NFIX: variants seen among roughly 807,000 people sequenced by gnomAD.
NFIX encodes the protein nuclear factor 1 X-type.
In NFIX, 2 loss-of-function variants were observed where a neutral mutation model predicts 53.3. The ratio of observed to expected loss-of-function variants is 0.04; its 90% confidence interval spans 0.02 to 0.12. The LOEUF (loss-of-function observed/expected upper bound fraction) is 0.12. NFIX is among the 10% of genes least tolerant of loss of function. The pLI, the probability that NFIX is intolerant of heterozygous loss-of-function variation, is 1.00. For synonymous variants in NFIX, 244 were observed against 289.0 expected (o/e 0.84, Z 1.58); for missense variants, 310 against 674.5 (o/e 0.46, Z 5.99).
chr19:13,088,312 G>T lies in NFIX; in HGVS notation c.1402+176G>T, dbSNP rs1406896806. Among the ~76,000 whole-genome samples, 1 of 151,740 alleles carries T rather than the reference G, an allele frequency of 6.6e-6. No individual in the cohort carries two copies. The highest frequency in any genetic ancestry group is 2.4e-5 in the African/African-American group (1 of 41,302). On this transcript the variant is annotated intron_variant, in intron 9 of 10. Transcript: ENST00000592199. The surrounding 1 kb of genome is among the most constrained non-coding windows in gnomAD (Gnocchi z 5.9). Reference sequence around the variant, plus strand: ...ACCACAGCCTCCCTCCCGGGCCTCAGTCGCACCAGCCAGCACCCCACGAGC... The same window carrying T: ...ACCACAGCCTCCCTCCCGGGCCTCATTCGCACCAGCCAGCACCCCACGAGC...
rs551639683 is a variant in NFIX, at chr19:13,050,592, T to A, written c.560-22455T>A. 1.1e-4 allele frequency among the ~76,000 whole-genome samples: 17 copies of A among 152,246 alleles called. 1 individual carries two copies. The South Asian group carries it at 3.3e-3, about 30-fold the overall frequency. On this transcript the variant is annotated intron_variant, in intron 2 of 10. Coordinates refer to ENST00000592199, the MANE Select transcript of NFIX (RefSeq NM_001365902.3). ...AAGGCACTGCATGTGCTTTTCCAAGTGTGCATGTCACAGATCTGTGTGTGA... is the reference window on the plus strand; with the variant it reads ...AAGGCACTGCATGTGCTTTTCCAAGAGTGCATGTCACAGATCTGTGTGTGA...
At chr19:13,026,348 G>A (rs974822393) in intron 2 of NFIX, among the ~76,000 whole-genome samples, 10 of 151,518 alleles carry the variant, frequency 6.6e-5, no homozygotes, top group Admixed American at 4.6e-4. Flanking sequence ...GCGTTGCTGT[G>A]GAAGAGGTCT....
Position 13,012,633 on chromosome 19 carries a change from C to G in NFIX, c.28-12388C>G, listed in dbSNP as rs2012424126. On this transcript the variant is annotated intron_variant, in intron 1 of 10. Transcript: ENST00000592199. The surrounding 1 kb of genome is among the most constrained non-coding windows in gnomAD (Gnocchi z 5.0). Reference sequence around the variant, plus strand: ...CAGGGCCGCCTGTGCCTCAGTTTCTCTCCTCCTGCGCCCATCCTGACATCC... The same window carrying G: ...CAGGGCCGCCTGTGCCTCAGTTTCTGTCCTCCTGCGCCCATCCTGACATCC... Among the ~76,000 whole-genome samples the G allele has an allele frequency of 6.6e-6, 1 of 152,258 alleles. No individual in the cohort carries two copies. Among genetic ancestry groups the G allele is most frequent in the African/African-American group, 2.4e-5 (1 of 41,462 alleles).
rs1437744552 is a variant in NFIX, at chr19:13,093,396, T to A, written c.1495-1239T>A. Among the ~76,000 whole-genome samples the A allele has an allele frequency of 6.6e-6, 1 of 152,268 alleles. No homozygotes were observed. Among genetic ancestry groups the A allele is most frequent in the East Asian group, 1.9e-4 (1 of 5,202 alleles). On this transcript the variant is annotated intron_variant, in intron 10 of 10. Transcript: ENST00000592199. The surrounding 1 kb of genome is among the most constrained non-coding windows in gnomAD (Gnocchi z 4.7). ...ACGAAATTCTGTTTGGGCTTCTGGC[T>A]TCTTTTGAAAAGTTGGCAGATGAGC...
In NFIX at chr19:13,094,656, C is replaced by G; in HGVS notation, c.*7C>G. ...TCAGTCCTGGTTCCTCTGATAAGATCGACAAAAGAAACAACAAAATGAGAA... is the reference window on the plus strand; with the variant it reads ...TCAGTCCTGGTTCCTCTGATAAGATGGACAAAAGAAACAACAAAATGAGAA... On this transcript the variant is annotated 3_prime_UTR_variant, in exon 11 of 11. Coordinates refer to ENST00000592199, the MANE Select transcript of NFIX (RefSeq NM_001365902.3). This position sits in a 1 kb window ranked among gnomAD's most constrained non-coding sequence, Gnocchi z 4.3. The G allele has an allele frequency of 6.5e-7, 1 of 1,535,586 alleles. No individual in the cohort carries two copies. The highest frequency in any genetic ancestry group is 1.4e-5 in the African/African-American group (1 of 72,946).
At chr19:13,003,803 T>A (rs1275420159) in intron 1 of NFIX, among the ~76,000 whole-genome samples, 1 of 152,180 alleles carries the variant, frequency 6.6e-6, no homozygotes, top group Non-Finnish European at 1.5e-5. Context: ...CACACCTGGC[T>A]AATTTTTAAA....
chr19:13,048,974 GGCT>G (rs1447476157), intron 2 of NFIX, among the ~76,000 whole-genome samples: 4 of 152,186 alleles, frequency 2.6e-5, no homozygotes, highest in Non-Finnish European at 5.9e-5. Flanking sequence ...CTACTCGGGA[GGCT>G]GAGGCAGGAG....
rs2017481270 is a variant in NFIX, at chr19:13,081,738, G to A, written c.1137G>A (p.Gln379=). 1 of 1,613,782 alleles carries A rather than the reference G, an allele frequency of 6.2e-7. No homozygotes were observed. The highest frequency in any genetic ancestry group is 1.7e-5 in the Admixed American group (1 of 59,988). ...TCCCCTCCACGTCCATCATCCAGCAGTCGAGCCCGTATTTCACGCACCCGA... is the reference window on the plus strand; with the variant it reads ...TCCCCTCCACGTCCATCATCCAGCAATCGAGCCCGTATTTCACGCACCCGA... ...LHFPSTSIIQ[Q]SSPYFTHPTI... is the part of the protein sequence containing the mutation. Residue 379 remains glutamine (Q), a synonymous_variant, in exon 8 of 11, where the codon CAG becomes CAA. Transcript: ENST00000592199. This position sits in a 1 kb window ranked among gnomAD's most constrained non-coding sequence, Gnocchi z 4.7.
rs550322604 is a variant in NFIX at position 12,998,727 on chromosome 19, A to G, written c.27+2863A>G. On this transcript the variant is annotated intron_variant, in intron 1 of 10. Transcript: ENST00000592199. This position sits in a 1 kb window ranked among gnomAD's most constrained non-coding sequence, Gnocchi z 4.4. ...CACACCGATGTCCAGACCCACGACCATCGACGAGCCTACAGACCTACGGAC... is the reference window on the plus strand; with the variant it reads ...CACACCGATGTCCAGACCCACGACCGTCGACGAGCCTACAGACCTACGGAC... Among the ~76,000 whole-genome samples the G allele has an allele frequency of 2.0e-5, 3 of 152,314 alleles. No homozygotes were observed. Among genetic ancestry groups the G allele is most frequent in the East Asian group, 3.9e-4 (2 of 5,188 alleles).
chr19:13,050,274 T>C (rs1284778932), intron 2 of NFIX, among the ~76,000 whole-genome samples: 1 of 152,248 alleles, frequency 6.6e-6, no homozygotes, highest in African/African-American at 2.4e-5. Flanking sequence ...TGCTGTGCTA[T>C]TCCTGCCTTT....
intron 1 of NFIX, among the ~76,000 whole-genome samples, chr19:13,019,731 GTTT>G (rs60597655): frequency 0.032 from 4,167 of 129,942 alleles, 76 homozygotes; most frequent in Middle Eastern, 0.094. Context: ...TTGTTTGTTT[GTTT>G]TTTTTTTTTT....
chr19:13,089,596 AC>A lies in NFIX; in HGVS notation c.1403-698del, dbSNP rs1047632227. 5.9e-5 allele frequency among the ~76,000 whole-genome samples: 9 copies of A among 152,074 alleles called. No individual in the cohort carries two copies. Among genetic ancestry groups the A allele is most frequent in the Non-Finnish European group, 1.3e-4 (9 of 67,940 alleles). On this transcript the variant is annotated intron_variant, in intron 9 of 10. Coordinates refer to ENST00000592199, the MANE Select transcript of NFIX (RefSeq NM_001365902.3). The surrounding 1 kb of genome is among the most constrained non-coding windows in gnomAD (Gnocchi z 4.8). ...GAATGCCATAGGCCTGAGCCTTGCC[AC>A]CCCCTGGGCCCAAGCCAGGCAGCCA... is the stretch of plus-strand genomic sequence containing the variant.
chr19:12,997,142 C>T lies in NFIX; in HGVS notation c.27+1278C>T, dbSNP rs139745639. On this transcript the variant is annotated intron_variant, in intron 1 of 10. Transcript: ENST00000592199. ...CAAGTGTGTCCACAGCTTACAGTGG[C>T]AGTCCACATGGGTATGGCTCCTACT... Among the ~76,000 whole-genome samples the T allele has an allele frequency of 2.2e-3, 332 of 152,374 alleles. 3 individuals carry two copies. The highest frequency in any genetic ancestry group is 7.6e-3 in the African/African-American group (314 of 41,580).
intron 8 of NFIX, among the ~76,000 whole-genome samples, chr19:13,087,063 G>T (rs1427172605): frequency 6.6e-6 from 1 of 152,226 alleles, no homozygotes; most frequent in Non-Finnish European, 1.5e-5. Context: ...TGGTCATCAG[G>T]GTCCTGTTCA....
rs114724987 is a variant in NFIX, at chr19:13,083,636, A to G, written c.1254+1781A>G. ...TTGCTCCAAGCAGACCATGGACAAA[A>G]CACCGCAAACAGGCACCTTGATTAA... On this transcript the variant is annotated intron_variant, in intron 8 of 10. Coordinates refer to ENST00000592199, the MANE Select transcript of NFIX (RefSeq NM_001365902.3). Among the ~76,000 whole-genome samples the G allele has an allele frequency of 2.7e-3, 406 of 152,318 alleles. 6 individuals are homozygous for G. The highest frequency in any genetic ancestry group is 9.5e-3 in the African/African-American group (395 of 41,572).
intron 1 of NFIX, 103 bp from the exon 2 acceptor site, chr19:13,024,918 C>A (rs539761363): frequency 1.4e-6 from 2 of 1,464,976 alleles, no homozygotes; most frequent in Non-Finnish European, 1.8e-6. Flanking sequence ...CCTTGTGCCC[C>A]CCCTTCTAAC....
Position 13,001,478 on chromosome 19 carries a change from G to A in NFIX, c.27+5614G>A, listed in dbSNP as rs1035432554. Among the ~76,000 whole-genome samples the A allele has an allele frequency of 6.6e-6, 1 of 152,104 alleles. No individual in the cohort carries two copies. The highest frequency in any genetic ancestry group is 1.5e-5 in the Non-Finnish European group (1 of 68,020). ...ACGGTGGCGCTGCGCACGTCAACGG[G>A]TATTGGTGTACCGGTCACCATCTTT... On this transcript the variant is annotated intron_variant, in intron 1 of 10. Transcript: ENST00000592199. This position sits in a 1 kb window ranked among gnomAD's most constrained non-coding sequence, Gnocchi z 6.5.
rs1428619020 is a variant in NFIX, at chr19:13,051,057, A to G, written c.560-21990A>G. On this transcript the variant is annotated intron_variant, in intron 2 of 10. Coordinates refer to ENST00000592199, the MANE Select transcript of NFIX (RefSeq NM_001365902.3). This position sits in a 1 kb window ranked among gnomAD's most constrained non-coding sequence, Gnocchi z 5.1. ...CTGGTGTTGTTGGTAATGACTTGGC[A>G]GTGGAGGGAGGAGGGTGCATACCTC... Among the ~76,000 whole-genome samples, 2 of 152,186 alleles carry G rather than the reference A, an allele frequency of 1.3e-5. No individual in the cohort carries two copies. The highest frequency in any genetic ancestry group is 3.9e-4 in the East Asian group (2 of 5,190).
intron 1 of NFIX, among the ~76,000 whole-genome samples, chr19:13,003,875 A>T (rs937200223): frequency 7.2e-5 from 11 of 151,942 alleles, no homozygotes; most frequent in African/African-American, 2.4e-5. Context: ...CCTGGGCTCA[A>T]GCAGTTCTCC....
Sources: gnomAD v4.1 joint callset for allele counts (sites outside exome capture counted in the v4.1 genomes callset) on GRCh38, gnomAD v4.1.1 for gene constraint, Gnocchi (gnomAD v3.1) non-coding constraint, MANE v1.5 for transcripts, NCBI Gene and HGNC (gene_info 2026-07-23, HGNC 2026-07-21) for gene names.